Variants in RAD17 observed in about 807,000 individuals in gnomAD.
The protein encoded by RAD17 is RAD17 checkpoint clamp loader component.
In RAD17, 31 loss-of-function variants were observed where a neutral mutation model predicts 81.5. The observed-to-expected ratio is 0.38, with a 90% CI of 0.29 to 0.51. The LOEUF (loss-of-function observed/expected upper bound fraction) is 0.51, where lower values mean the gene tolerates loss of function less well. Among genes scored for constraint, RAD17 ranks in the 20% least tolerant of loss-of-function variants. RAD17 has a pLI of 0.88. For missense variants in RAD17, 681 were observed against 781.2 expected, an observed-to-expected ratio of 0.87 and a Z score of 1.53; for synonymous variants, 261 against 266.2, an observed-to-expected ratio of 0.98 and a Z score of 0.19.
chr5:69,384,662 A>T, intron 7 of RAD17, 135 bp from the exon 8 acceptor site: 1 of 825,048 alleles, frequency 1.2e-6, no homozygotes, highest in Non-Finnish European at 1.8e-6. Context: ...TTTTAAATTT[A>T]AATGATTTTT....
In RAD17 at chr5:69,385,011, G is replaced by C. The variant is rs562430777; in HGVS notation, c.645+78G>C. On this transcript the variant is annotated intron_variant, in intron 8 of 18. Coordinates refer to ENST00000354868, the MANE Select transcript of RAD17 (RefSeq NM_133338.3). Reference sequence around the variant, plus strand: ...CTGTGTCACTGTCACCCAGGCTGGAGTGCAGTGGCGCGATCTCAGCTCATT... The same window carrying C: ...CTGTGTCACTGTCACCCAGGCTGGACTGCAGTGGCGCGATCTCAGCTCATT... The C allele has an allele frequency of 4.2e-5, 53 of 1,247,688 alleles. No individual in the cohort carries two copies. The African/African-American group carries it at 6.2e-4, about 15-fold the overall frequency. 77.3% of individuals were successfully genotyped at this position (1,247,688 alleles called of 1,614,324 possible).
chr5:69,386,357 A>T (rs367614959), intron 10 of RAD17, 39 bp from the exon 11 acceptor site: 21 of 1,581,100 alleles, frequency 1.3e-5, no homozygotes, highest in African/African-American at 1.4e-5. Flanking sequence ...ATATTTTTAA[A>T]TTAATCATTT....
intron 18 of RAD17, among the ~76,000 whole-genome samples, chr5:69,410,965 C>CTACATATATATATATATATA (rs1554044688): frequency 2.2e-5 from 2 of 90,264 alleles, no homozygotes; most frequent in African/African-American, 9.9e-5. Flanking sequence ...AGATGTCTGT[C>CTACATATATATATATATATA]TATATATATA....
At chr5:69,402,094 C>T (rs1394008348) in intron 17 of RAD17, among the ~76,000 whole-genome samples, 1 of 142,596 alleles carries the variant, frequency 7.0e-6, no homozygotes, top group African/African-American at 2.6e-5. Flanking sequence ...GTTGCTGAGG[C>T]TGGAGTGCAA....
At chr5:69,405,678 A>C (rs1057200530) in intron 17 of RAD17, among the ~76,000 whole-genome samples, 4 of 135,404 alleles carry the variant, frequency 3.0e-5, no homozygotes, top group Admixed American at 2.4e-4. Context: ...AAAAACAAAC[A>C]AAAAAAAAAC....
At chr5:69,411,262 T>G (rs946148038) in intron 18 of RAD17, among the ~76,000 whole-genome samples, 38 of 151,578 alleles carry the variant, frequency 2.5e-4, no homozygotes, top group African/African-American at 8.5e-4. Context: ...AATACAAAAT[T>G]TAGCTGGGTG....
At chr5:69,409,105 C>T (rs557964954) in intron 17 of RAD17, among the ~76,000 whole-genome samples, 2 of 152,176 alleles carry the variant, frequency 1.3e-5, no homozygotes, top group Non-Finnish European at 2.9e-5. Context: ...GGGAAGGCTT[C>T]GGAGCTTTTT....
intron 4 of RAD17, among the ~76,000 whole-genome samples, chr5:69,373,087 A>G (rs561766019): frequency 5.9e-4 from 90 of 152,312 alleles, no homozygotes; most frequent in African/African-American, 2.1e-3. Flanking sequence ...ATTTGGATGT[A>G]TGAAATGGTT....
intron 4 of RAD17, among the ~76,000 whole-genome samples, chr5:69,372,553 C>G (rs1446134743): frequency 6.6e-6 from 1 of 151,984 alleles, no homozygotes; most frequent in Non-Finnish European, 1.5e-5. Flanking sequence ...GTTAAAAAAT[C>G]TAGTAAAAAT....
rs1449282191 is a variant in RAD17 at position 69,386,099 on chromosome 5, G to C, written c.698+4G>C. ...ATACTTTACATGAAGTTCTAAGGTA[G>C]GTTTCAGTGAAGTATTCTAAAACTC... On this transcript the variant is annotated splice_donor_region_variant and intron_variant, in intron 9 of 18. Coordinates refer to ENST00000354868, the MANE Select transcript of RAD17 (RefSeq NM_133338.3). The C allele has an allele frequency of 1.3e-5, 21 of 1,604,200 alleles. No individual in the cohort carries two copies. The highest frequency in any genetic ancestry group is 1.7e-5 in the Non-Finnish European group (20 of 1,176,066).
Position 69,396,564 on chromosome 5 carries a change from A to AT in RAD17, c.1572+18_1572+19insT. The AT allele has an allele frequency of 2.0e-6, 3 of 1,507,934 alleles. No homozygotes were observed. Among genetic ancestry groups the AT allele is most frequent in the South Asian group, 2.7e-5 (2 of 74,862 alleles). 93.4% of individuals were successfully genotyped at this position (1,507,934 alleles called of 1,614,324 possible). On this transcript the variant is annotated intron_variant, in intron 16 of 18. Transcript: ENST00000354868. ...ATAAAAAGGTAAAAAAAAAAAAAAAAATTCTGTACTTTCAATATGTGAACT... is the reference window on the plus strand; with the variant it reads ...ATAAAAAGGTAAAAAAAAAAAAAAAATATTCTGTACTTTCAATATGTGAACT...
At chr5:69,384,228 G>C (rs1764031915) in intron 7 of RAD17, 1 of 152,178 alleles carries the variant, frequency 6.6e-6, no homozygotes, top group African/African-American at 2.4e-5. Flanking sequence ...AACTCATTTA[G>C]AGATTCTTCA....
chr5:69,414,542 G>A lies in RAD17; in HGVS notation c.*250G>A. On this transcript the variant is annotated 3_prime_UTR_variant, in exon 19 of 19. Coordinates refer to ENST00000354868, the MANE Select transcript of RAD17 (RefSeq NM_133338.3). Reference sequence around the variant, plus strand: ...GAGTGGTTTAAGGAGCGGTCAGTGTGTATAAAGTGTGTTTGAACATTATGC... The same window carrying A: ...GAGTGGTTTAAGGAGCGGTCAGTGTATATAAAGTGTGTTTGAACATTATGC... 1.9e-6 allele frequency: 1 copy of A among 537,736 alleles called. No homozygotes were observed. The allele number at this position is 537,736 out of a possible 1,614,324, so 33.3% of individuals were successfully genotyped here. A position where few individuals can be genotyped will look rare whatever the true frequency, so the allele number is the denominator to read the frequency against.
At chr5:69,383,613 C>T (rs1039667458) in intron 7 of RAD17, among the ~76,000 whole-genome samples, 1 of 152,080 alleles carries the variant, frequency 6.6e-6, no homozygotes, top group African/African-American at 2.4e-5. Context: ...CCCCTGACCT[C>T]AGGTGATCCA....
intron 6 of RAD17, among the ~76,000 whole-genome samples, chr5:69,380,399 C>A (rs1763779008): frequency 6.6e-6 from 1 of 152,162 alleles, no homozygotes; most frequent in African/African-American, 2.4e-5. Flanking sequence ...AGGAATTTTT[C>A]AGCTCCATTA....
intron 6 of RAD17, among the ~76,000 whole-genome samples, chr5:69,381,542 A>T (rs1169404108): frequency 6.6e-6 from 1 of 152,094 alleles, no homozygotes; most frequent in Non-Finnish European, 1.5e-5. Context: ...TGTTTCAGAC[A>T]TCACCTCCCT....
chr5:69,394,223 G>A (rs541167409), intron 15 of RAD17, among the ~76,000 whole-genome samples: 4 of 150,526 alleles, frequency 2.7e-5, no homozygotes, highest in African/African-American at 9.8e-5. Context: ...ACTATCCTTA[G>A]CTAATTTTTT....
Position 69,369,834 on chromosome 5 carries a change from C to T in RAD17, c.-516C>T, listed in dbSNP as rs1370584031. On this transcript the variant is annotated 5_prime_UTR_variant, in exon 1 of 19. Transcript: ENST00000354868. Reference sequence around the variant, plus strand: ...CGGGAGGCCGTACCTCCGAGAGGCTCGGCGTTGAGCCCGGGTAGGGCCAGG... The same window carrying T: ...CGGGAGGCCGTACCTCCGAGAGGCTTGGCGTTGAGCCCGGGTAGGGCCAGG... 13 of 921,148 alleles carry T rather than the reference C, an allele frequency of 1.4e-5. No homozygotes were observed. Among genetic ancestry groups the T allele is most frequent in the Non-Finnish European group, 2.0e-5 (12 of 606,842 alleles). The allele number at this position is 921,148 out of a possible 1,614,324, so 57.1% of individuals were successfully genotyped here.
rs776790885 is a variant in RAD17 at position 69,410,578 on chromosome 5, A to G, written c.1751+28A>G. On this transcript the variant is annotated intron_variant, in intron 18 of 18. Transcript: ENST00000354868. Reference sequence around the variant, plus strand: ...AAGCTGATCATCTCAATTTCCAAAAAGCTGATAATGAAATGTCTACTGAAT... The same window carrying G: ...AAGCTGATCATCTCAATTTCCAAAAGGCTGATAATGAAATGTCTACTGAAT... 3 of 1,598,676 alleles carry G rather than the reference A, an allele frequency of 1.9e-6. No homozygotes were observed. The African/African-American group carries it at 4.0e-5, about 21-fold the overall frequency.
Sources: allele counts gnomAD v4.1 joint callset (sites outside exome capture counted in the v4.1 genomes callset), GRCh38; gene constraint gnomAD v4.1.1; transcripts MANE v1.5; gene names NCBI Gene and HGNC (gene_info 2026-07-23, HGNC 2026-07-21).